The following CENPS variants were observed in gnomAD, a reference collection of about 807,000 sequenced individuals.
The protein encoded by CENPS is FANCM associated histone fold protein 1.
In CENPS, 16 loss-of-function variants were observed where a neutral mutation model predicts 17.9. That is an observed-to-expected ratio of 0.90 (90% CI 0.61 to 1.36). CENPS has a LOEUF of 1.36. Among genes scored for constraint, CENPS ranks in the 40% most tolerant of loss-of-function variants. The pLI, the probability that CENPS is intolerant of heterozygous loss-of-function variation, is 0.00. For synonymous variants in CENPS, 49 were observed against 55.8 expected (o/e 0.88, Z 0.54); for missense variants, 160 against 158.6 (o/e 1.01, Z -0.05).
chr1:10,432,066 G>C (rs1570019172), intron 1 of CENPS, among the ~76,000 whole-genome samples: 1 of 151,786 alleles, frequency 6.6e-6, no homozygotes, highest in South Asian at 2.1e-4. Context: ...CTTTGGTCCT[G>C]CCTACCCTGT....
In CENPS at chr1:10,442,682, T is replaced by G. The variant is rs1640466672; in HGVS notation, c.*277T>G. ...GGTATATATTAGAAATTACATCTGT[T>G]GTAATTAAAATTGTGTGAGCAATTA... On this transcript the variant is annotated 3_prime_UTR_variant, in exon 5 of 5. Coordinates refer to ENST00000309048, the MANE Select transcript of CENPS (RefSeq NM_199294.3). 1 of 331,194 alleles carries G rather than the reference T, an allele frequency of 3.0e-6. No individual in the cohort carries two copies. Among genetic ancestry groups the G allele is most frequent in the Non-Finnish European group, 5.0e-6 (1 of 200,322 alleles). The allele number at this position is 331,194 out of a possible 1,614,324, so 20.5% of individuals were successfully genotyped here. A position where few individuals can be genotyped will look rare whatever the true frequency, so the allele number is the denominator to read the frequency against.
intron 3 of CENPS, chr1:10,440,146 G>A (rs192529367): frequency 1.4e-5 from 9 of 636,436 alleles, no homozygotes; most frequent in East Asian, 6.2e-5. Context: ...ATGGGCCTCC[G>A]CATTCTCCAT....
At chr1:10,441,775 A>C (rs1379321001) in intron 4 of CENPS, among the ~76,000 whole-genome samples, 1 of 150,854 alleles carries the variant, frequency 6.6e-6, no homozygotes, top group East Asian at 2.0e-4. Context: ...ACAGGCACCC[A>C]CCACCACACC....
At chr1:10,437,274 G>T (rs1393861828) in intron 3 of CENPS, among the ~76,000 whole-genome samples, 1 of 151,992 alleles carries the variant, frequency 6.6e-6, no homozygotes, top group Non-Finnish European at 1.5e-5. Flanking sequence ...TCCCACCTTG[G>T]CCTCCCAGAG....
chr1:10,433,075 T>G (rs1350021395), intron 1 of CENPS, among the ~76,000 whole-genome samples: 1 of 152,160 alleles, frequency 6.6e-6, no homozygotes, highest in Non-Finnish European at 1.5e-5. Flanking sequence ...TGGGTTCAGC[T>G]GTCATCACGT....
At chr1:10,433,481 C>T (rs1411298181) in intron 1 of CENPS, among the ~76,000 whole-genome samples, 1 of 152,206 alleles carries the variant, frequency 6.6e-6, no homozygotes, top group African/African-American at 2.4e-5. Context: ...CATTGTTTCC[C>T]AAACACCTAG....
chr1:10,431,189 G>A (rs2124240922), intron 1 of CENPS: 3 of 1,490,784 alleles, frequency 2.0e-6, no homozygotes, highest in East Asian at 5.0e-5. Context: ...ATCAGCGCCG[G>A]GCATATGGGG....
chr1:10,442,411 C>T lies in CENPS; in HGVS notation c.*6C>T, dbSNP rs1176295054. The T allele has an allele frequency of 1.3e-6, 2 of 1,565,454 alleles. No individual in the cohort carries two copies. The highest frequency in any genetic ancestry group is 2.3e-5 in the East Asian group (1 of 43,168). The stretch of plus-strand genomic sequence containing the variant: ...TGGTGGAAAGTGAGAATTAAAGTCC[C>T]TCGCCGCTTGGAAAGTGCAGCCTTC... On this transcript the variant is annotated 3_prime_UTR_variant, in exon 5 of 5. Transcript: ENST00000309048.
intron 3 of CENPS, among the ~76,000 whole-genome samples, chr1:10,436,578 C>T (rs975130253): frequency 1.3e-5 from 2 of 151,088 alleles, no homozygotes; most frequent in African/African-American, 4.9e-5. Flanking sequence ...TGGCAGCATG[C>T]GCCTGTAATC....
At chr1:10,436,464 G>T (rs1189244496) in intron 3 of CENPS, among the ~76,000 whole-genome samples, 1 of 150,836 alleles carries the variant, frequency 6.6e-6, no homozygotes, top group Non-Finnish European at 1.5e-5. Flanking sequence ...CACTTTGGGA[G>T]GCTGAGGCGG....
chr1:10,440,768 G>A (rs1442911913), intron 4 of CENPS, among the ~76,000 whole-genome samples: 1 of 152,226 alleles, frequency 6.6e-6, no homozygotes, highest in Admixed American at 6.5e-5. Flanking sequence ...AATAGGCCAG[G>A]TATGGACGGA....
At chr1:10,430,676 G>C (rs1420874843) in intron 1 of CENPS, 108 bp downstream of exon 1, 1 of 1,439,462 alleles carries the variant, frequency 6.9e-7, no homozygotes, top group Non-Finnish European at 9.1e-7. Context: ...CCCCGCCCCC[G>C]GGCGCCCCCC....
intron 3 of CENPS, among the ~76,000 whole-genome samples, chr1:10,436,876 T>G (rs966910438): frequency 2.0e-5 from 3 of 152,144 alleles, no homozygotes; most frequent in Non-Finnish European, 4.4e-5. Flanking sequence ...AGGTTTCCTT[T>G]GAAGACTCAT....
chr1:10,440,538 C>A, intron 4 of CENPS, 125 bp downstream of exon 4: 1 of 1,239,122 alleles, frequency 8.1e-7, no homozygotes, highest in South Asian at 1.6e-5. Flanking sequence ...GTGGCTGAAC[C>A]ATTCAGACCT....
At chr1:10,430,954 A>G in intron 1 of CENPS, 3 of 1,252,342 alleles carry the variant, frequency 2.4e-6, no homozygotes, top group Non-Finnish European at 3.0e-6. Flanking sequence ...TTCGGGCCGG[A>G]GCTCTGGAAC....
At chr1:10,435,981 A>AT (rs141993546) in intron 3 of CENPS, among the ~76,000 whole-genome samples, 4,193 of 142,440 alleles carry the variant, frequency 0.029, 85 homozygotes, top group African/African-American at 0.048. Context: ...TAAGAGGTTG[A>AT]TTTTTTTTTT....
At chr1:10,438,734 C>T (rs188887486) in intron 3 of CENPS, among the ~76,000 whole-genome samples, 4 of 152,216 alleles carry the variant, frequency 2.6e-5, no homozygotes, top group Non-Finnish European at 4.4e-5. Context: ...GCAGAGATAG[C>T]AGAGGCCAAG....
intron 4 of CENPS, among the ~76,000 whole-genome samples, chr1:10,441,861 G>A (rs1417166772): frequency 1.3e-5 from 2 of 149,808 alleles, no homozygotes; most frequent in Admixed American, 6.7e-5. Flanking sequence ...TCCTGAGCTC[G>A]TGATCTGTCT....
At chr1:10,434,095 C>A in intron 2 of CENPS, 130 bp downstream of exon 2, 2 of 1,488,714 alleles carry the variant, frequency 1.3e-6, no homozygotes, top group Non-Finnish European at 1.8e-6. Context: ...CTCATGCGTT[C>A]TTCGTGAAAC....
Sources: gnomAD v4.1 joint callset for allele counts (sites outside exome capture counted in the v4.1 genomes callset) on GRCh38, gnomAD v4.1.1 for gene constraint, MANE v1.5 for transcripts, NCBI Gene and HGNC (gene_info 2026-07-23, HGNC 2026-07-21) for gene names.